The following NF1 variants were observed in gnomAD, a reference collection of about 807,000 sequenced individuals.
NF1 encodes neurofibromin.
NF1 carries 122 observed loss-of-function variants against 325.7 expected under a neutral mutation model. That is an observed-to-expected ratio of 0.37 (90% CI 0.32 to 0.44). The LOEUF is 0.44. Among genes scored for constraint, NF1 ranks in the 20% least tolerant of loss-of-function variants. The pLI is 1.00. For missense variants in NF1, 2,140 were observed against 3,415.4 expected (o/e 0.63, Z 9.31); for synonymous variants, 1,091 against 1,186.0 (o/e 0.92, Z 1.65).
rs1253897434 is a variant in NF1 at position 31,259,017 on chromosome 17, T to G, written c.4333-15T>G. 6.7e-7 allele frequency: 1 copy of G among 1,497,004 alleles called. No individual in the cohort carries two copies. The highest frequency in any genetic ancestry group is 2.3e-5 in the East Asian group (1 of 43,744). 92.7% of individuals were successfully genotyped at this position (1,497,004 alleles called of 1,614,324 possible). A position where few individuals can be genotyped will look rare whatever the true frequency, so the allele number is the denominator to read the frequency against. On this transcript the variant is annotated splice_polypyrimidine_tract_variant and intron_variant, in intron 32 of 57. Coordinates refer to ENST00000358273, the MANE Select transcript of NF1 (RefSeq NM_001042492.3). ...TAAATAATCTGATTATTTATAACCCTGTTTTATTGTGTAGATACTTCAGAG... is the reference window on the plus strand; with the variant it reads ...TAAATAATCTGATTATTTATAACCCGGTTTTATTGTGTAGATACTTCAGAG...
rs745677578 is a variant in NF1, at chr17:31,336,618, A to AT, written c.6148-16dup. On this transcript the variant is annotated splice_polypyrimidine_tract_variant and intron_variant, in intron 41 of 57. Transcript: ENST00000358273. The surrounding 1 kb of genome is among the most constrained non-coding windows in gnomAD (Gnocchi z 5.5). Reference sequence around the variant, plus strand: ...CATGTTTTTTTTTTTAAAAAAAAAAATCCTGCTTCTTTACAGGTTATTGGA... The same window carrying AT: ...CATGTTTTTTTTTTTAAAAAAAAAAATTCCTGCTTCTTTACAGGTTATTGGA... 1.0e-5 allele frequency: 16 copies of AT among 1,581,582 alleles called. 1 individual carries two copies. Among genetic ancestry groups the AT allele is most frequent in the Admixed American group, 7.4e-5 (4 of 53,724 alleles).
At chr17:31,322,094 T>TACACACACACACACACACACACAC (rs71142046) in intron 36 of NF1, among the ~76,000 whole-genome samples, 4 of 147,308 alleles carry the variant, frequency 2.7e-5, no homozygotes, top group Admixed American at 6.7e-5. Flanking sequence ...AGTGTGTGTA[T>TACACACACACACACACACACACAC]ACACACACAC....
At chr17:31,303,161 C>T (rs954251044) in intron 36 of NF1, among the ~76,000 whole-genome samples, 19 of 152,108 alleles carry the variant, frequency 1.2e-4, no homozygotes, top group Admixed American at 8.5e-4. Flanking sequence ...AGTGGTTCTC[C>T]AAGACTGGGC....
chr17:31,263,512 A>G (rs17882130), intron 35 of NF1, among the ~76,000 whole-genome samples: 45 of 150,728 alleles, frequency 3.0e-4, no homozygotes, highest in African/African-American at 1.1e-3. Flanking sequence ...ATAAAAATGA[A>G]TGAATCAAAA....
rs111852611 is a variant in NF1, at chr17:31,313,467, G to T, written c.4836-12353G>T. ...TCCTGTAATCCCAGCACTTTGGGAG[G>T]CGGAGGTAAGCGGATCACCCAAGGT... On this transcript the variant is annotated intron_variant, in intron 36 of 57. Transcript: ENST00000358273. Among the ~76,000 whole-genome samples, 4 of 152,100 alleles carry T rather than the reference G, an allele frequency of 2.6e-5. No homozygotes were observed. The South Asian group carries it at 8.3e-4, about 31-fold the overall frequency.
chr17:31,129,860 C>T (rs940614071), intron 1 of NF1, among the ~76,000 whole-genome samples: 2 of 152,078 alleles, frequency 1.3e-5, no homozygotes, highest in African/African-American at 4.8e-5. Flanking sequence ...CAACATTCTC[C>T]TGAATCTCAA....
At chr17:31,222,048 G>T in intron 15 of NF1, 119 bp downstream of exon 15, 3 of 1,279,988 alleles carry the variant, frequency 2.3e-6, no homozygotes, top group South Asian at 5.0e-5. Context: ...AAGGTTTTAT[G>T]GTTTTGTATT....
At position 31,356,900 on chromosome 17, in the gene NF1, A is replaced by G. The variant is rs1357448792; in HGVS notation, c.7739-60A>G. The stretch of plus-strand genomic sequence containing the variant: ...GTTGAATTTTAGAAGTAACATTGAA[A>G]TAGTTAGGTGAAGTGATTATCCAGG... On this transcript the variant is annotated intron_variant, in intron 52 of 57. Coordinates refer to ENST00000358273, the MANE Select transcript of NF1 (RefSeq NM_001042492.3). The G allele has an allele frequency of 3.1e-6, 5 of 1,605,342 alleles. No homozygotes were observed. The Admixed American group carries it at 5.0e-5, about 16-fold the overall frequency.
At chr17:31,320,130 A>G (rs2069142845) in intron 36 of NF1, among the ~76,000 whole-genome samples, 1 of 152,170 alleles carries the variant, frequency 6.6e-6, no homozygotes, top group South Asian at 2.1e-4. Context: ...CCAGCAGGAA[A>G]GATTTATAAT....
intron 36 of NF1, among the ~76,000 whole-genome samples, chr17:31,324,798 G>C (rs2069301207): frequency 6.6e-6 from 1 of 152,146 alleles, no homozygotes; most frequent in South Asian, 2.1e-4. Flanking sequence ...CTGGCCTTAT[G>C]TAACCCACCT....
intron 12 of NF1, among the ~76,000 whole-genome samples, chr17:31,209,300 G>A (rs2066680585): frequency 6.6e-6 from 1 of 152,238 alleles, no homozygotes; most frequent in Non-Finnish European, 1.5e-5. Flanking sequence ...CCATTAGCTT[G>A]CTTCAGAAGT....
chr17:31,115,441 C>T (rs770862819), intron 1 of NF1, among the ~76,000 whole-genome samples: 3 of 152,170 alleles, frequency 2.0e-5, no homozygotes, highest in Admixed American at 6.5e-5. Flanking sequence ...ATATCAAAGT[C>T]GTAGGTACTT....
chr17:31,230,019 GA>G lies in NF1; in HGVS notation c.2990+50del, dbSNP rs765761631. 121 of 1,605,700 alleles carry G rather than the reference GA, an allele frequency of 7.5e-5. No homozygotes were observed. The Middle Eastern group carries it at 1.1e-3, about 15-fold the overall frequency. On this transcript the variant is annotated intron_variant, in intron 22 of 57. Coordinates refer to ENST00000358273, the MANE Select transcript of NF1 (RefSeq NM_001042492.3). ...GTAGCAGAAACATTTTAAGAGATAA[GA>G]AAAACCTCTTACACACTGATACTGG... is the stretch of plus-strand genomic sequence containing the variant.
intron 8 of NF1, among the ~76,000 whole-genome samples, chr17:31,196,255 G>C (rs551210219): frequency 2.8e-4 from 42 of 151,212 alleles, no homozygotes; most frequent in African/African-American, 9.9e-4. Context: ...TTGTTTCCTA[G>C]CATTTAAATT....
intron 1 of NF1, among the ~76,000 whole-genome samples, chr17:31,141,434 G>T (rs562618211): frequency 6.6e-6 from 1 of 152,030 alleles, no homozygotes; most frequent in South Asian, 2.1e-4. Context: ...TACGGTGTTG[G>T]TAGTGGTGCT....
intron 36 of NF1, chr17:31,273,461 C>T (rs2067942841): frequency 6.6e-6 from 1 of 152,204 alleles, no homozygotes; most frequent in Non-Finnish European, 1.5e-5. Flanking sequence ...ATGACCCAAG[C>T]TAGAACTTAA....
At chr17:31,095,505 G>A in intron 1 of NF1, 136 bp downstream of exon 1, 1 of 582,374 alleles carries the variant, frequency 1.7e-6, no homozygotes, top group Non-Finnish European at 2.7e-6. Flanking sequence ...GAAGAGAAGG[G>A]AAGGGGGGAT....
At chr17:31,359,152 A>G (rs917856151) in intron 56 of NF1, 137 bp downstream of exon 56, 23 of 755,242 alleles carry the variant, frequency 3.0e-5, no homozygotes, top group African/African-American at 5.3e-5. Flanking sequence ...ACTTTTATAA[A>G]AAGTTTCTCA....
At position 31,233,208 on chromosome 17, in the gene NF1, C is replaced by T. The variant is rs1555615109; in HGVS notation, c.3703C>T (p.Gln1235Ter). 1 of 1,613,942 alleles carries T rather than the reference C, an allele frequency of 6.2e-7. No homozygotes were observed. Among genetic ancestry groups the T allele is most frequent in the Non-Finnish European group, 8.5e-7 (1 of 1,179,860 alleles). Reference sequence around the variant, plus strand: ...TCTGGCCAATGTGGTTCCTTGTTCTCAGTGGGTAAGTGATTAGAGTAAGCG... The same window carrying T: ...TCTGGCCAATGTGGTTCCTTGTTCTTAGTGGGTAAGTGATTAGAGTAAGCG... ...MALANVVPCS[Q>*]WDELARVLVT... Residue 1235 changes from glutamine to a stop codon, truncating the protein, a stop_gained, in exon 27 of 58, where the codon CAG becomes TAG. Transcript: ENST00000358273. LOFTEE classifies it high-confidence loss of function.
Sources: gnomAD v4.1 joint callset for allele counts (sites outside exome capture counted in the v4.1 genomes callset) on GRCh38, gnomAD v4.1.1 for gene constraint, Gnocchi (gnomAD v3.1) non-coding constraint, MANE v1.5 for transcripts, NCBI Gene and HGNC (gene_info 2026-07-23, HGNC 2026-07-21) for gene names.